ANKRD36C: variants seen among roughly 807,000 people sequenced by gnomAD.
The protein encoded by ANKRD36C is ankyrin repeat domain-containing protein 36C.
A neutral mutation model predicts 276.4 loss-of-function variants in ANKRD36C; 61 were observed. The ratio of observed to expected loss-of-function variants is 0.22; its 90% CI spans 0.18 to 0.27. The LOEUF (loss-of-function observed/expected upper bound fraction) is 0.27. ANKRD36C is among the 10% of genes least tolerant of loss of function. ANKRD36C has a pLI of 1.00. For missense variants in ANKRD36C, 1,447 were observed against 2,032.3 expected (o/e 0.71, Z 5.54); for synonymous variants, 483 against 680.1 (o/e 0.71, Z 4.51).
chr2:95,907,545 C>G (rs948678772), intron 42 of ANKRD36C: 3 of 147,826 alleles, frequency 2.0e-5, no homozygotes, highest in Admixed American at 6.7e-5. Context: ...TGACATGCTT[C>G]TACAAAGTGA....
chr2:95,958,464 T>C (rs568684241), intron 12 of ANKRD36C, 127 bp downstream of exon 12: 139 of 1,264,948 alleles, frequency 1.1e-4, no homozygotes, highest in East Asian at 4.3e-4. Flanking sequence ...TTATTACAAA[T>C]GCAGAATCTC....
chr2:95,917,829 A>T (rs1477398397), intron 36 of ANKRD36C, 26 bp downstream of exon 38: 1 of 1,580,172 alleles, frequency 6.3e-7, no homozygotes, highest in African/African-American at 1.4e-5. Context: ...ATTGAACGTG[A>T]CATTAAATGT....
intron 5 of ANKRD36C, among the ~76,000 whole-genome samples, chr2:95,979,317 C>A (rs1678871019): frequency 6.6e-6 from 1 of 151,954 alleles, no homozygotes; most frequent in African/African-American, 2.4e-5. Context: ...TGCTAATTTT[C>A]TCCATATTGT....
At chr2:95,876,853 CAAAAA>C (rs61043155) in intron 58 of ANKRD36C, among the ~76,000 whole-genome samples, 31,469 of 83,784 alleles carry the variant, frequency 0.38, 3,344 homozygotes, top group East Asian at 0.5. Flanking sequence ...GACTGTGTCT[CAAAAA>C]AAAAAAAAAA....
At chr2:95,892,773 G>A (rs1676412843) in intron 44 of ANKRD36C, among the ~76,000 whole-genome samples, 1 of 151,224 alleles carries the variant, frequency 6.6e-6, no homozygotes, top group South Asian at 2.1e-4. Context: ...TTGTATCCAA[G>A]AGGTAGCTCC....
At chr2:95,912,671 G>A (rs185916306) in intron 40 of ANKRD36C, among the ~76,000 whole-genome samples, 32 of 151,336 alleles carry the variant, frequency 2.1e-4, no homozygotes, top group African/African-American at 6.0e-4. Context: ...GTCACGTGTC[G>A]AAACCCAAAA....
chr2:95,945,849 G>A (rs1288561328), intron 17 of ANKRD36C, among the ~76,000 whole-genome samples: 5 of 152,296 alleles, frequency 3.3e-5, no homozygotes, highest in African/African-American at 9.6e-5. Flanking sequence ...AAAGACATGC[G>A]GTCTGCAAGG....
At chr2:95,957,974 A>C (rs1464263804) in intron 12 of ANKRD36C, among the ~76,000 whole-genome samples, 2 of 152,198 alleles carry the variant, frequency 1.3e-5, no homozygotes, top group Non-Finnish European at 2.9e-5. Flanking sequence ...CTAGCACTCT[A>C]TCCTGCTTCC....
At chr2:95,860,250 ATTGTTTTAGCTTAAAG>A (rs1469175249) in intron 60 of ANKRD36C, among the ~76,000 whole-genome samples, 176 bp from the exon 81 acceptor site, 28 of 152,024 alleles carry the variant, frequency 1.8e-4, no homozygotes, top group Admixed American at 1.8e-3. Flanking sequence ...CACCTCTGCT[ATTGTTTTAGCTTAAAG>A]TATAGTGAAG....
chr2:95,890,264 G>T (rs1490139828), intron 46 of ANKRD36C, among the ~76,000 whole-genome samples: 1 of 151,444 alleles, frequency 6.6e-6, no homozygotes, highest in Non-Finnish European at 1.5e-5. Context: ...TATCAATGTC[G>T]ATATGCCGAG....
rs549335293 is a variant in ANKRD36C, at chr2:95,866,789, C to T, written c.3682+651G>A. 6.0e-3 allele frequency among the ~76,000 whole-genome samples: 906 copies of T among 152,080 alleles called. 6 individuals are homozygous for T. The highest frequency in any genetic ancestry group is 8.9e-3 in the Admixed American group (136 of 15,264). On this transcript the variant is annotated intron_variant, in intron 60 of 66. Coordinates refer to ENST00000456556, the Ensembl canonical transcript of ANKRD36C. ...GGTGATGGATATATGTTGACTATCT[C>T]GATGATGGTAATAGTTTCACATGTG... is the stretch of plus-strand genomic sequence containing the variant.
intron 19 of ANKRD36C, among the ~76,000 whole-genome samples, chr2:95,942,866 T>C (rs1438850658): frequency 7.9e-5 from 12 of 151,450 alleles, no homozygotes; most frequent in African/African-American, 2.7e-4. Context: ...AAGTTAATAA[T>C]GCTTCCAGAG....
chr2:95,884,634 C>T (rs990007430), intron 52 of ANKRD36C, among the ~76,000 whole-genome samples: 2 of 152,014 alleles, frequency 1.3e-5, no homozygotes, highest in African/African-American at 2.4e-5. Context: ...TCAATGTCAA[C>T]GTGGATATGC....
chr2:95,976,376 CTG>C (rs1043590977), intron 6 of ANKRD36C, among the ~76,000 whole-genome samples: 21 of 152,216 alleles, frequency 1.4e-4, no homozygotes, highest in Admixed American at 1.2e-3. Flanking sequence ...CGAAATGCGG[CTG>C]TGTTATGATT....
At chr2:95,910,471 T>A (rs1246147245) in intron 42 of ANKRD36C, 26 bp from the exon 46 acceptor site, 1 of 1,591,264 alleles carries the variant, frequency 6.3e-7, no homozygotes, top group Non-Finnish European at 8.6e-7. Context: ...AACGAAATAA[T>A]AAATAAATAA....
At chr2:95,852,400 TGCATA>T in intron 64 of ANKRD36C, 2 of 542,308 alleles carry the variant, frequency 3.7e-6, no homozygotes, top group East Asian at 3.3e-5. Context: ...CCCTTCAGTC[TGCATA>T]TTGTTCATGG....
intron 42 of ANKRD36C, 94 bp downstream of exon 44, chr2:95,912,150 T>A: frequency 6.7e-7 from 1 of 1,481,634 alleles, no homozygotes; most frequent in Non-Finnish European, 9.1e-7. Flanking sequence ...TGAATCAGAA[T>A]GTGCAGCTTC....
chr2:95,948,735 A>G (rs1205511005), intron 16 of ANKRD36C, 139 bp from the exon 17 acceptor site: 1 of 688,488 alleles, frequency 1.5e-6, no homozygotes, highest in African/African-American at 1.8e-5. Flanking sequence ...TCCTTATATT[A>G]AATAATATTT....
chr2:95,984,658 T>C (rs1678993265), intron 3 of ANKRD36C, among the ~76,000 whole-genome samples: 1 of 152,186 alleles, frequency 6.6e-6, no homozygotes, highest in Non-Finnish European at 1.5e-5. Flanking sequence ...TGAGCACTTT[T>C]ACAACATTCA....
Sources: gnomAD v4.1 joint callset for allele counts (sites outside exome capture counted in the v4.1 genomes callset) on GRCh38, gnomAD v4.1.1 for gene constraint, MANE v1.5 for transcripts, NCBI Gene and HGNC (gene_info 2026-07-23, HGNC 2026-07-21) for gene names.